Variants in DMXL1 observed in about 807,000 individuals in gnomAD.
DMXL1 encodes Dmx like 1.
In DMXL1, 99 loss-of-function variants were observed where a neutral mutation model predicts 319.2. That is an observed-to-expected ratio of 0.31 (90% confidence interval 0.26 to 0.37). The LOEUF is 0.37. DMXL1 is among the 10% of genes least tolerant of loss of function. The pLI, the probability that DMXL1 is intolerant of heterozygous loss-of-function variation, is 1.00. For synonymous variants in DMXL1, 1,385 were observed against 1,235.2 expected, an observed-to-expected ratio of 1.12 and a Z score of -2.54; for missense variants, 3,745 against 3,595.6, an observed-to-expected ratio of 1.04 and a Z score of -1.06.
rs562094238 is a variant in DMXL1 at position 119,168,944 on chromosome 5, C to G, written c.5398+1080C>G. Among the ~76,000 whole-genome samples the G allele has an allele frequency of 3.3e-5, 5 of 152,078 alleles. No individual in the cohort carries two copies. The South Asian group carries it at 1.0e-3, about 32-fold the overall frequency. On this transcript the variant is annotated intron_variant, in intron 23 of 43. Transcript: ENST00000539542. ...CTTGAGGTGGAGTCTCACTCTCACC[C>G]AGGCTGGAGTGCAGTGGGGCTATCT...
intron 5 of DMXL1, among the ~76,000 whole-genome samples, chr5:119,112,981 T>G (rs1760002548): frequency 1.3e-5 from 2 of 151,886 alleles, no homozygotes; most frequent in Admixed American, 6.6e-5. Flanking sequence ...AAAATAATAA[T>G]AGTATTTTGT....
At chr5:119,083,378 T>C (rs1444692314) in intron 1 of DMXL1, among the ~76,000 whole-genome samples, 1 of 152,154 alleles carries the variant, frequency 6.6e-6, no homozygotes, top group East Asian at 1.9e-4. Flanking sequence ...TACTACATTT[T>C]TTTCATCCAC....
chr5:119,098,263 G>A (rs973272772), intron 2 of DMXL1, among the ~76,000 whole-genome samples, 159 bp downstream of exon 2: 1 of 152,154 alleles, frequency 6.6e-6, no homozygotes, highest in African/African-American at 2.4e-5. Context: ...ATTCTATAGA[G>A]TGCCAGAAAT....
intron 4 of DMXL1, among the ~76,000 whole-genome samples, chr5:119,109,845 G>T (rs1759179964): frequency 6.6e-6 from 1 of 151,960 alleles, no homozygotes; most frequent in Non-Finnish European, 1.5e-5. Flanking sequence ...ATGTCTTTCT[G>T]CTGAAATATG....
At chr5:119,157,727 T>C (rs879884647) in intron 19 of DMXL1, among the ~76,000 whole-genome samples, 16 of 152,248 alleles carry the variant, frequency 1.1e-4, no homozygotes, top group Non-Finnish European at 2.4e-4. Context: ...CCTAGCTTTG[T>C]AATATAGTTT....
At chr5:119,173,734 GTGTA>G (rs879559598) in intron 25 of DMXL1, among the ~76,000 whole-genome samples, 55 of 99,434 alleles carry the variant, frequency 5.5e-4, no homozygotes, top group Non-Finnish European at 1.1e-3. Flanking sequence ...ATATATATGT[GTGTA>G]TATATATATG....
intron 38 of DMXL1, 54 bp downstream of exon 38, chr5:119,224,823 G>T: frequency 1.2e-6 from 1 of 829,880 alleles, no homozygotes; most frequent in South Asian, 3.9e-5. Context: ...ATCTATTTTT[G>T]GTAATTTTAT....
Position 119,085,793 on chromosome 5 carries a change from C to T in DMXL1, c.88-12186C>T, listed in dbSNP as rs115494949. 2.2e-3 allele frequency among the ~76,000 whole-genome samples: 331 copies of T among 152,138 alleles called. 1 individual carries two copies. The highest frequency in any genetic ancestry group is 7.8e-3 in the African/African-American group (323 of 41,506). On this transcript the variant is annotated intron_variant, in intron 1 of 43. Coordinates refer to ENST00000539542, the MANE Select transcript of DMXL1 (RefSeq NM_001290321.3). ...TAGAGGAAAAATCTTCAGTTTTTCC[C>T]TATTTAGAATGACGTTAGCTATGGG...
intron 19 of DMXL1, among the ~76,000 whole-genome samples, chr5:119,153,549 T>C (rs62374141): frequency 0.026 from 4,035 of 152,312 alleles, 200 homozygotes; most frequent in Admixed American, 0.13. Context: ...AACTGAAACT[T>C]TTTACCCTTT....
chr5:119,088,527 C>T (rs571477967), intron 1 of DMXL1, among the ~76,000 whole-genome samples: 7 of 152,078 alleles, frequency 4.6e-5, no homozygotes, highest in Admixed American at 6.6e-5. Context: ...TTACTACTAG[C>T]GTTTTGTTGT....
intron 8 of DMXL1, among the ~76,000 whole-genome samples, chr5:119,120,440 T>C (rs1348535961): frequency 6.6e-6 from 1 of 152,250 alleles, no homozygotes; most frequent in African/African-American, 2.4e-5. Context: ...TTGGGTTCTA[T>C]ATAGACCATT....
intron 19 of DMXL1, among the ~76,000 whole-genome samples, chr5:119,160,293 A>T (rs1172350927): frequency 1.3e-5 from 2 of 152,128 alleles, no homozygotes; most frequent in African/African-American, 2.4e-5. Flanking sequence ...TCTTTGACTC[A>T]TTGTTTTTTC....
rs189411737 is a variant in DMXL1, at chr5:119,228,037, A to G, written c.8338+3268A>G. Among the ~76,000 whole-genome samples the G allele has an allele frequency of 2.7e-3, 411 of 152,316 alleles. 2 individuals carry two copies. The highest frequency in any genetic ancestry group is 9.1e-3 in the African/African-American group (380 of 41,574). On this transcript the variant is annotated intron_variant, in intron 38 of 43. Transcript: ENST00000539542. Reference sequence around the variant, plus strand: ...TGGAAAACAAAATAAAGACCTAGCAATGTTTCAAAACCATAATTATTAAAA... The same window carrying G: ...TGGAAAACAAAATAAAGACCTAGCAGTGTTTCAAAACCATAATTATTAAAA...
rs1344060707 is a variant in DMXL1, at chr5:119,122,100, C to T, written c.1102+961C>T. Among the ~76,000 whole-genome samples the T allele has an allele frequency of 2.8e-5, 4 of 144,154 alleles. No homozygotes were observed. In the South Asian group the frequency reaches 6.6e-4, roughly 24 times the overall value. The allele number at this position is 144,154 out of a possible 152,430, so 94.6% of individuals were successfully genotyped here. A position where few individuals can be genotyped will look rare whatever the true frequency, so the allele number is the denominator to read the frequency against. On this transcript the variant is annotated intron_variant, in intron 9 of 43. Transcript: ENST00000539542. ...GCCGGGCGGGGGGCTGACCCCCCCA[C>T]CTCCCTCCCGGACGGGGCGGCTGGC...
intron 21 of DMXL1, 110 bp downstream of exon 21, chr5:119,165,390 T>C: frequency 1.7e-6 from 1 of 597,570 alleles, no homozygotes; most frequent in Non-Finnish European, 2.9e-6. Context: ...TTCATGTAGA[T>C]TCTTAGTTGT....
chr5:119,164,170 A>T (rs115706365), intron 19 of DMXL1, among the ~76,000 whole-genome samples: 3,892 of 152,148 alleles, frequency 0.026, 74 homozygotes, highest in Non-Finnish European at 0.044. Flanking sequence ...GGTGAAAAGC[A>T]GCTTTGAAGA....
chr5:119,074,798 A>C (rs1750444432), intron 1 of DMXL1, among the ~76,000 whole-genome samples: 1 of 152,214 alleles, frequency 6.6e-6, no homozygotes, highest in Non-Finnish European at 1.5e-5. Flanking sequence ...CCCACGCTTC[A>C]TTGTGAGCAC....
intron 1 of DMXL1, among the ~76,000 whole-genome samples, chr5:119,090,280 C>G (rs1754469957): frequency 6.6e-6 from 1 of 151,756 alleles, no homozygotes; most frequent in African/African-American, 2.4e-5. Flanking sequence ...CTCAACCTCC[C>G]AAAGTACTGG....
chr5:119,244,787 A>G (rs1367700988), intron 43 of DMXL1, among the ~76,000 whole-genome samples: 3 of 152,246 alleles, frequency 2.0e-5, no homozygotes, highest in Non-Finnish European at 2.9e-5. Context: ...TGTTTAATTC[A>G]TACTAAAACA....
Sources: allele counts gnomAD v4.1 joint callset (sites outside exome capture counted in the v4.1 genomes callset), GRCh38; gene constraint gnomAD v4.1.1; transcripts MANE v1.5; gene names NCBI Gene and HGNC (gene_info 2026-07-23, HGNC 2026-07-21).